SAP30L: variants seen among roughly 807,000 people sequenced by gnomAD.
SAP30L encodes histone deacetylase complex subunit SAP30L.
Under a neutral mutation model 22.3 loss-of-function variants are expected in SAP30L, and 10 were observed. The ratio of observed to expected loss-of-function variants is 0.45; its 90% CI spans 0.28 to 0.76. The LOEUF (loss-of-function observed/expected upper bound fraction) is 0.76. Among genes scored for constraint, SAP30L ranks in the 30% least tolerant of loss-of-function variants. SAP30L has a pLI of 0.14. For missense variants in SAP30L, 206 were observed against 237.9 expected (o/e 0.87, Z 0.88); for synonymous variants, 91 against 94.1 (o/e 0.97, Z 0.19).
chr5:154,450,583 G>A (rs569629990), intron 1 of SAP30L, among the ~76,000 whole-genome samples: 19 of 152,184 alleles, frequency 1.2e-4, no homozygotes, highest in Admixed American at 8.5e-4. Context: ...CTGTCTTGTC[G>A]GAAGGAAAGT....
At position 154,456,429 on chromosome 5, in the gene SAP30L, C is replaced by T. The variant is rs1283839184; in HGVS notation, c.*401C>T. On this transcript the variant is annotated 3_prime_UTR_variant, in exon 4 of 4. Transcript: ENST00000297109. ...CCATGGAAGTGCATGAGCAGACCCA[C>T]ATCTGGACTTGCATGCTGCCCGCTG... 1 of 164,216 alleles carries T rather than the reference C, an allele frequency of 6.1e-6. No individual in the cohort carries two copies. The highest frequency in any genetic ancestry group is 5.8e-5 in the Admixed American group (1 of 17,118). 10.2% of individuals were successfully genotyped at this position (164,216 alleles called of 1,614,324 possible). A position where few individuals can be genotyped will look rare whatever the true frequency, so the allele number is the denominator to read the frequency against.
chr5:154,452,792 C>T (rs1220200229), intron 2 of SAP30L, among the ~76,000 whole-genome samples: 1 of 152,228 alleles, frequency 6.6e-6, no homozygotes, highest in Non-Finnish European at 1.5e-5. Flanking sequence ...TCTGGCCTAT[C>T]ATCCTCCAGG....
chr5:154,457,634 G>A lies in SAP30L; in HGVS notation c.*1606G>A, dbSNP rs1757291232. ...ACAGGGTCACCACGCTCACTAAAAT[G>A]CAGTATGTTCCATTGCAGCAAAGCT... On this transcript the variant is annotated 3_prime_UTR_variant, in exon 4 of 4. Transcript: ENST00000297109. 1 of 152,216 alleles carries A rather than the reference G, an allele frequency of 6.6e-6. No individual in the cohort carries two copies. Among genetic ancestry groups the A allele is most frequent in the Admixed American group, 6.5e-5 (1 of 15,276 alleles). The allele number at this position is 152,216 out of a possible 1,614,324, so 9.4% of individuals were successfully genotyped here.
At chr5:154,451,005 T>G in intron 1 of SAP30L, 86 bp from the exon 2 acceptor site, 2 of 1,428,522 alleles carry the variant, frequency 1.4e-6, no homozygotes, top group South Asian at 1.2e-5. Flanking sequence ...TGCCCTGCAA[T>G]GGAAGGAAGC....
Position 154,446,622 on chromosome 5 carries a change from G to A in SAP30L, c.18G>A (p.Thr6=), listed in dbSNP as rs1339194961. 1 of 1,513,558 alleles carries A rather than the reference G, an allele frequency of 6.6e-7. No individual in the cohort carries two copies. Among genetic ancestry groups the A allele is most frequent in the East Asian group, 2.6e-5 (1 of 38,642 alleles). 93.8% of individuals were successfully genotyped at this position (1,513,558 alleles called of 1,614,324 possible). A position where few individuals can be genotyped will look rare whatever the true frequency, so the allele number is the denominator to read the frequency against. Residue 6 remains threonine, a synonymous_variant, in exon 1 of 4, where the codon ACG becomes ACA. Transcript: ENST00000297109. ...GCGGGGAGATGAACGGCTTCAGCACGGAGGAGGACAGCCGCGAAGGGCCCC... is the reference window on the plus strand; with the variant it reads ...GCGGGGAGATGAACGGCTTCAGCACAGAGGAGGACAGCCGCGAAGGGCCCC... MNGFS[T]EEDSREGPPA...
intron 2 of SAP30L, among the ~76,000 whole-genome samples, chr5:154,451,697 A>G (rs925240496): frequency 6.6e-6 from 1 of 152,312 alleles, no homozygotes; most frequent in African/African-American, 2.4e-5. Flanking sequence ...GCTGTTCCCA[A>G]GGATCCATTT....
rs1429793040 is a variant in SAP30L at position 154,460,237 on chromosome 5, G to GA, written c.*4213dup. ...GAGTTTTGCAAAATGAGTGGTAAGG[G>GA]AAAACAGATCTAGCCTGTTATTTAA... On this transcript the variant is annotated 3_prime_UTR_variant, in exon 4 of 4. Transcript: ENST00000297109. 2 of 152,218 alleles carry GA rather than the reference G, an allele frequency of 1.3e-5. No individual in the cohort carries two copies. Among genetic ancestry groups the GA allele is most frequent in the African/African-American group, 4.8e-5 (2 of 41,452 alleles). The allele number at this position is 152,218 out of a possible 1,614,324, so 9.4% of individuals were successfully genotyped here. A position where few individuals can be genotyped will look rare whatever the true frequency, so the allele number is the denominator to read the frequency against.
In SAP30L at chr5:154,449,209, C is replaced by G. The variant is rs921871713; in HGVS notation, c.202-1882C>G. Among the ~76,000 whole-genome samples the G allele has an allele frequency of 5.3e-5, 8 of 152,266 alleles. No homozygotes were observed. The East Asian group carries it at 1.3e-3, about 26-fold the overall frequency. On this transcript the variant is annotated intron_variant, in intron 1 of 3. Coordinates refer to ENST00000297109, the MANE Select transcript of SAP30L (RefSeq NM_024632.6). The stretch of plus-strand genomic sequence containing the variant: ...ATAGACTTTGGCAGTGTTCTGTGAT[C>G]TGTTAAAATACTAATATACCTCCAG...
rs1217184350 is a variant in SAP30L at position 154,446,637 on chromosome 5, C to G, written c.33C>G (p.Arg11=). Residue 11 remains arginine, a synonymous_variant, in exon 1 of 4, where the codon CGC becomes CGG. Coordinates refer to ENST00000297109, the MANE Select transcript of SAP30L (RefSeq NM_024632.6). ...GCTTCAGCACGGAGGAGGACAGCCG[C>G]GAAGGGCCCCCCGCCGCCCCAGCTG... The part of the protein sequence containing the change: MNGFSTEEDS[R]EGPPAAPAAA... 2.0e-6 allele frequency: 3 copies of G among 1,529,484 alleles called. No homozygotes were observed. Among genetic ancestry groups the G allele is most frequent in the Non-Finnish European group, 2.6e-6 (3 of 1,141,226 alleles). 94.7% of individuals were successfully genotyped at this position (1,529,484 alleles called of 1,614,324 possible).
At position 154,455,948 on chromosome 5, in the gene SAP30L, C is replaced by T. The variant is rs1259366394; in HGVS notation, c.472C>T (p.Leu158Phe). The T allele has an allele frequency of 1.2e-6, 2 of 1,614,108 alleles. No homozygotes were observed. The highest frequency in any genetic ancestry group is 1.7e-6 in the Non-Finnish European group (2 of 1,180,002). ...RNIPVNEKET[L>F]AYFIYMVKSN... is the part of the protein sequence containing the mutation. Reference sequence around the variant, plus strand: ...CATACCTGTGAATGAAAAAGAGACCCTTGCCTACTTCATCTACATGGTGAA... The same window carrying T: ...CATACCTGTGAATGAAAAAGAGACCTTTGCCTACTTCATCTACATGGTGAA... The change falls in exon 4 of 4, where the codon CTT becomes TTT. Residue 158 changes from leucine to phenylalanine, a missense_variant. By Grantham distance (22) the Leu-to-Phe change is conservative (BLOSUM62 0). Coordinates refer to ENST00000297109, the MANE Select transcript of SAP30L (RefSeq NM_024632.6).
intron 2 of SAP30L, among the ~76,000 whole-genome samples, chr5:154,451,490 C>T (rs573448148): frequency 6.6e-6 from 1 of 152,286 alleles, no homozygotes; most frequent in East Asian, 1.9e-4. Flanking sequence ...TCCAGTAGAC[C>T]ACACTGCTTT....
intron 1 of SAP30L, 104 bp downstream of exon 1, chr5:154,446,909 C>T: frequency 1.1e-6 from 1 of 945,910 alleles, no homozygotes; most frequent in Non-Finnish European, 1.6e-6. Context: ...CCGTGGGCCT[C>T]GCCGCCCCGG....
rs538606775 is a variant in SAP30L at position 154,453,476 on chromosome 5, C to T, written c.399C>T (p.Gly133=). The change falls in exon 3 of 4, where the codon GGC becomes GGT. Residue 133 remains glycine (G), a synonymous_variant. Coordinates refer to ENST00000297109, the MANE Select transcript of SAP30L (RefSeq NM_024632.6). Reference sequence around the variant, plus strand: ...ACTACAAGTTGCAGACCAGACCAGGCTTCAATAAGGCCCAGTTAGCAGAAG... The same window carrying T: ...ACTACAAGTTGCAGACCAGACCAGGTTTCAATAAGGCCCAGTTAGCAGAAG... ...KRHYKLQTRP[G]FNKAQLAETV... 3.0e-5 allele frequency: 49 copies of T among 1,613,450 alleles called. No homozygotes were observed. The South Asian group carries it at 5.2e-4, about 17-fold the overall frequency.
At position 154,451,105 on chromosome 5, in the gene SAP30L, TA is replaced by T; in HGVS notation, c.217del (p.Ile73SerfsTer44). 1 of 1,614,134 alleles carries T rather than the reference TA, an allele frequency of 6.2e-7. No homozygotes were observed. The highest frequency in any genetic ancestry group is 8.5e-7 in the Non-Finnish European group (1 of 1,179,994). ...DIDKSVRHLYICDFHKNFIQS... is the reference protein window; with the variant it reads ...DIDKSVRHLYXCDFHKNFIQS... ...GTCTCCATCAGGTAAGGCACCTATA[TA>T]TCTGTGATTTTCACAAAAATTTCAT... On this transcript the variant is annotated frameshift_variant, in exon 2 of 4. Transcript: ENST00000297109. LOFTEE classifies it high-confidence loss of function.
chr5:154,446,681 G>A lies in SAP30L; in HGVS notation c.77G>A (p.Gly26Asp). 1.3e-6 allele frequency: 2 copies of A among 1,572,968 alleles called. No homozygotes were observed. The highest frequency in any genetic ancestry group is 1.7e-6 in the Non-Finnish European group (2 of 1,162,494). Reference sequence around the variant, plus strand: ...CCAGCTGCCGCCGCCCCGGGCTACGGCCAGAGCTGCTGCCTCATCGAGGAC... The same window carrying A: ...CCAGCTGCCGCCGCCCCGGGCTACGACCAGAGCTGCTGCCTCATCGAGGAC... ...AAPAAAAPGYGQSCCLIEDGE... is the reference protein window; with the variant it reads ...AAPAAAAPGYDQSCCLIEDGE... Residue 26 changes from glycine to aspartate, a missense_variant, in exon 1 of 4, where the codon GGC becomes GAC. By Grantham distance (94) the Gly-to-Asp change is moderately conservative (BLOSUM62 -1). Coordinates refer to ENST00000297109, the MANE Select transcript of SAP30L (RefSeq NM_024632.6).
intron 2 of SAP30L, chr5:154,452,628 C>A: frequency 4.1e-6 from 1 of 244,284 alleles, no homozygotes; most frequent in Middle Eastern, 2.1e-3. Flanking sequence ...AAGACCCCAG[C>A]CCTAACCTGC....
intron 2 of SAP30L, among the ~76,000 whole-genome samples, chr5:154,451,646 G>T (rs1757143908): frequency 6.6e-6 from 1 of 152,092 alleles, no homozygotes; most frequent in South Asian, 2.1e-4. Context: ...GTTCATACCA[G>T]CTCTGATTTT....
intron 1 of SAP30L, among the ~76,000 whole-genome samples, chr5:154,448,019 A>G (rs1582038812): frequency 8.5e-6 from 1 of 118,000 alleles, no homozygotes; most frequent in Non-Finnish European, 1.6e-5. Flanking sequence ...TCTGTCACCC[A>G]GGCTGGAGTG....
In SAP30L at chr5:154,460,013, A is replaced by G. The variant is rs1167643912; in HGVS notation, c.*3985A>G. 6.6e-6 allele frequency: 1 copy of G among 152,206 alleles called. No individual in the cohort carries two copies. Among genetic ancestry groups the G allele is most frequent in the Non-Finnish European group, 1.5e-5 (1 of 68,036 alleles). The allele number at this position is 152,206 out of a possible 1,614,324, so 9.4% of individuals were successfully genotyped here. ...AAAGATGTGCCTGAGGTCATATGGC[A>G]TTATCAGAACCAACCTCTGGCCCTC... On this transcript the variant is annotated 3_prime_UTR_variant, in exon 4 of 4. Transcript: ENST00000297109.
Sources: gnomAD v4.1 joint callset for allele counts (sites outside exome capture counted in the v4.1 genomes callset) on GRCh38, gnomAD v4.1.1 for gene constraint, MANE v1.5 for transcripts, NCBI Gene and HGNC (gene_info 2026-07-23, HGNC 2026-07-21) for gene names.